The following SYT17 variants were observed in gnomAD, a reference collection of about 807,000 sequenced individuals.
SYT17 encodes the protein synaptotagmin 17.
A neutral mutation model predicts 46.7 loss-of-function variants in SYT17; 22 were observed. The observed-to-expected ratio is 0.47, with a 90% confidence interval of 0.34 to 0.67. SYT17 has a LOEUF of 0.67. Among genes scored for constraint, SYT17 ranks in the 30% least tolerant of loss-of-function variants. SYT17 has a pLI of 0.01. For missense variants in SYT17, 519 were observed against 612.8 expected (o/e 0.85, Z 1.62); for synonymous variants, 251 against 248.4 (o/e 1.01, Z -0.10).
intron 5 of SYT17, among the ~76,000 whole-genome samples, chr16:19,204,162 C>T (rs1022667621): frequency 2.6e-5 from 4 of 152,108 alleles, no homozygotes; most frequent in African/African-American, 4.8e-5. Context: ...TTGTAGATGC[C>T]GTCCTGTGGG....
intron 7 of SYT17, among the ~76,000 whole-genome samples, chr16:19,249,184 G>C (rs1226726882): frequency 6.6e-6 from 1 of 152,094 alleles, no homozygotes; most frequent in African/African-American, 2.4e-5. Flanking sequence ...TGAGGCAGGA[G>C]AATGGTGTGA....
chr16:19,238,196 T>C (rs2269791), intron 7 of SYT17, among the ~76,000 whole-genome samples: 70,858 of 152,096 alleles, frequency 0.47, 18,320 homozygotes, highest in East Asian at 0.77. Flanking sequence ...AAAGGACCAT[T>C]CCCTATCTTG....
intron 3 of SYT17, among the ~76,000 whole-genome samples, chr16:19,177,202 A>G (rs540907683): frequency 2.2e-4 from 34 of 152,154 alleles, no homozygotes; most frequent in Non-Finnish European, 4.7e-4. Flanking sequence ...TGCCACTAGT[A>G]GAGAAGTGGA....
chr16:19,176,804 G>A (rs1441779560), intron 3 of SYT17, among the ~76,000 whole-genome samples: 4 of 152,078 alleles, frequency 2.6e-5, no homozygotes, highest in Admixed American at 1.3e-4. Context: ...GGTGAGAGCC[G>A]CGGCAACCGG....
chr16:19,264,568 G>C (rs976791805), intron 7 of SYT17, among the ~76,000 whole-genome samples: 5 of 150,334 alleles, frequency 3.3e-5, no homozygotes, highest in Non-Finnish European at 7.4e-5. Context: ...CGGCACATGA[G>C]AGTACGTGAG....
intron 7 of SYT17, among the ~76,000 whole-genome samples, chr16:19,244,038 G>A (rs1262538023): frequency 6.6e-6 from 1 of 152,112 alleles, no homozygotes; most frequent in Admixed American, 6.6e-5. Flanking sequence ...GCGAGGGGCA[G>A]GAGTTTAGTG....
At chr16:19,180,841 AT>A (rs777768215) in intron 4 of SYT17, among the ~76,000 whole-genome samples, 3 of 152,180 alleles carry the variant, frequency 2.0e-5, no homozygotes, top group Non-Finnish European at 4.4e-5. Context: ...ATTCTGAAAG[AT>A]GAGTGTGGCT....
intron 7 of SYT17, among the ~76,000 whole-genome samples, chr16:19,242,308 G>A (rs1967192203): frequency 6.6e-6 from 1 of 152,182 alleles, no homozygotes; most frequent in African/African-American, 2.4e-5. Flanking sequence ...TATATAAGCT[G>A]AGAAAGGGCC....
chr16:19,188,064 G>T (rs560926826), intron 5 of SYT17, among the ~76,000 whole-genome samples: 7 of 152,128 alleles, frequency 4.6e-5, no homozygotes, highest in Non-Finnish European at 7.4e-5. Context: ...ATTCACAATA[G>T]CAAAGGCATG....
intron 3 of SYT17, chr16:19,180,186 A>G: frequency 3.6e-6 from 2 of 555,892 alleles, no homozygotes; most frequent in Non-Finnish European, 6.4e-6. Context: ...ATTGGGGAAT[A>G]TTTCTTCATA....
At chr16:19,172,023 C>T (rs1417251541) in intron 1 of SYT17, 1 of 152,596 alleles carries the variant, frequency 6.6e-6, no homozygotes, top group Non-Finnish European at 1.5e-5. Flanking sequence ...AGTCCCACCT[C>T]AGTTCACCTC....
At chr16:19,181,797 C>T (rs758181876) in intron 4 of SYT17, among the ~76,000 whole-genome samples, 1 of 151,140 alleles carries the variant, frequency 6.6e-6, no homozygotes, top group Non-Finnish European at 1.5e-5. Flanking sequence ...GTCAGGACTT[C>T]GAGACCAGCC....
At chr16:19,258,292 T>A (rs565253983) in intron 7 of SYT17, among the ~76,000 whole-genome samples, 1 of 152,136 alleles carries the variant, frequency 6.6e-6, no homozygotes, top group African/African-American at 2.4e-5. Flanking sequence ...AGGGTGGCAA[T>A]TGTGTCCCCA....
chr16:19,209,794 C>T (rs369249556), intron 5 of SYT17, among the ~76,000 whole-genome samples: 2 of 151,850 alleles, frequency 1.3e-5, no homozygotes, highest in Non-Finnish European at 1.5e-5. Context: ...AGGAGAATGG[C>T]GTGAACCCGG....
At chr16:19,185,189 C>T (rs1036044169) in intron 5 of SYT17, among the ~76,000 whole-genome samples, 1 of 152,046 alleles carries the variant, frequency 6.6e-6, no homozygotes, top group Non-Finnish European at 1.5e-5. Context: ...CTCCTCCCCT[C>T]TTCCCTTCCT....
chr16:19,182,115 A>G (rs1206374705), intron 4 of SYT17, among the ~76,000 whole-genome samples: 1 of 151,566 alleles, frequency 6.6e-6, no homozygotes. Context: ...AAAATAAAAT[A>G]TTAAAATTAA....
At chr16:19,222,133 G>A (rs564139069) in intron 5 of SYT17, among the ~76,000 whole-genome samples, 2 of 152,280 alleles carry the variant, frequency 1.3e-5, no homozygotes, top group Non-Finnish European at 2.9e-5. Flanking sequence ...ACACCATATC[G>A]AGGGCTTAGT....
At chr16:19,204,029 T>C (rs1407675316) in intron 5 of SYT17, among the ~76,000 whole-genome samples, 2 of 152,130 alleles carry the variant, frequency 1.3e-5, no homozygotes, top group Admixed American at 1.3e-4. Context: ...AGACAAAAAA[T>C]AGGGGAGGCC....
intron 5 of SYT17, among the ~76,000 whole-genome samples, chr16:19,210,454 G>T (rs1363612398): frequency 6.7e-6 from 1 of 150,228 alleles, no homozygotes; most frequent in Non-Finnish European, 1.5e-5. Flanking sequence ...TGATCTAAGG[G>T]TATTTTTTTT....
Sources: gnomAD v4.1 joint callset for allele counts (sites outside exome capture counted in the v4.1 genomes callset) on GRCh38, gnomAD v4.1.1 for gene constraint, MANE v1.5 for transcripts, NCBI Gene and HGNC (gene_info 2026-07-23, HGNC 2026-07-21) for gene names.